Variants in STAU1 observed in about 807,000 individuals in gnomAD.
STAU1 encodes the protein double-stranded RNA-binding protein Staufen homolog 1.
STAU1 carries 13 observed loss-of-function variants against 62.9 expected under a neutral mutation model. That is an observed-to-expected ratio of 0.21 (90% CI 0.13 to 0.33). The LOEUF (loss-of-function observed/expected upper bound fraction) is 0.33, where lower values mean the gene tolerates loss of function less well. Ranked by LOEUF, STAU1 falls within the 10% of genes least tolerant of loss-of-function variation. The pLI is 1.00. For synonymous variants in STAU1, 269 were observed against 265.1 expected (o/e 1.01, Z -0.14); for missense variants, 571 against 712.1 (o/e 0.80, Z 2.25).
chr20:49,154,522 G>A (rs1465764406), intron 3 of STAU1, among the ~76,000 whole-genome samples: 4 of 152,206 alleles, frequency 2.6e-5, no homozygotes, highest in Admixed American at 6.5e-5. Flanking sequence ...ATTGAACGAT[G>A]CATTTATTAC....
intron 6 of STAU1, among the ~76,000 whole-genome samples, chr20:49,125,573 G>A (rs1356652379): frequency 4.7e-5 from 7 of 150,146 alleles, no homozygotes; most frequent in East Asian, 2.0e-4. Context: ...TGGGCCAGGC[G>A]CGGTGGCTCA....
At chr20:49,153,193 T>C (rs6125572) in intron 4 of STAU1, among the ~76,000 whole-genome samples, 14,811 of 140,656 alleles carry the variant, frequency 0.11, 891 homozygotes, top group Middle Eastern at 0.14. Context: ...GAGCTTGCAG[T>C]GAGCCGAGAT....
chr20:49,184,028 C>A (rs1222596480), intron 1 of STAU1, among the ~76,000 whole-genome samples: 2 of 151,406 alleles, frequency 1.3e-5, no homozygotes, highest in Non-Finnish European at 2.9e-5. Context: ...TTCCCAGGTT[C>A]AAGCAACTCT....
At chr20:49,155,594 A>G (rs969936961) in intron 3 of STAU1, among the ~76,000 whole-genome samples, 1 of 152,230 alleles carries the variant, frequency 6.6e-6, no homozygotes, top group African/African-American at 2.4e-5. Flanking sequence ...AGAGAAATAA[A>G]AAAGACCTGA....
upstream of STAU1, among the ~76,000 whole-genome samples, chr20:49,191,772 C>T (rs1044719701): frequency 3.9e-5 from 6 of 152,100 alleles, no homozygotes; most frequent in East Asian, 3.8e-4. Flanking sequence ...ATAATGGGGC[C>T]GGGCGCAGTG....
the STAU1 span, among the ~76,000 whole-genome samples, chr20:49,208,721 G>T: frequency 1.3e-5 from 2 of 151,088 alleles, no homozygotes; most frequent in East Asian, 3.9e-4. Flanking sequence ...CTGGGTTCAC[G>T]CCATTCTCCT....
chr20:49,203,871 G>C, the STAU1 span, among the ~76,000 whole-genome samples: 4 of 152,106 alleles, frequency 2.6e-5, no homozygotes, highest in African/African-American at 9.7e-5. Flanking sequence ...ATTTTTAGTA[G>C]AGACGGGGTT....
intron 6 of STAU1, among the ~76,000 whole-genome samples, chr20:49,129,281 T>A (rs1340837419): frequency 2.4e-4 from 9 of 37,044 alleles, no homozygotes; most frequent in Non-Finnish European, 4.6e-4. Flanking sequence ...TAAAAAAAAA[T>A]TTTTTTTTTT....
chr20:49,199,725 A>G, the STAU1 span, among the ~76,000 whole-genome samples: 2 of 151,666 alleles, frequency 1.3e-5, no homozygotes, highest in Non-Finnish European at 2.9e-5. Context: ...GGCGCCTGCC[A>G]CCACGCCCAG....
intron 2 of STAU1, among the ~76,000 whole-genome samples, chr20:49,169,740 C>A (rs2093573370): frequency 6.6e-6 from 1 of 152,142 alleles, no homozygotes; most frequent in South Asian, 2.1e-4. Flanking sequence ...TTTCTGCCTC[C>A]CACACAGATG....
At chr20:49,189,908 G>GC (rs1432674079), upstream of STAU1, among the ~76,000 whole-genome samples, 1 of 152,198 alleles carries the variant, frequency 6.6e-6, no homozygotes, top group African/African-American at 2.4e-5. Context: ...AGGCTTTGGA[G>GC]CCTTAGCGAA....
chr20:49,124,324 C>T (rs778273178), intron 7 of STAU1, 51 bp downstream of exon 7: 1 of 1,580,388 alleles, frequency 6.3e-7, no homozygotes, highest in Non-Finnish European at 8.7e-7. Flanking sequence ...CTAAACCCCC[C>T]ACCCATCTAT....
At position 49,114,604 on chromosome 20, in the gene STAU1, AGC is replaced by A; in HGVS notation, c.*272_*273del. On this transcript the variant is annotated 3_prime_UTR_variant, in exon 14 of 14. Transcript: ENST00000371856. ...GATCTGCTGGTGTCCCGGGAGAACC[AGC>A]TGGCTGGGCAGCCCTTCTTCCCCAC... is the stretch of plus-strand genomic sequence containing the variant. The A allele has an allele frequency of 4.4e-6, 2 of 454,234 alleles. No homozygotes were observed. Among genetic ancestry groups the A allele is most frequent in the South Asian group, 4.4e-5 (1 of 22,816 alleles). The allele number at this position is 454,234 out of a possible 1,614,324, so 28.1% of individuals were successfully genotyped here.
At chr20:49,181,025 T>C (rs2093718299) in intron 1 of STAU1, among the ~76,000 whole-genome samples, 2 of 152,290 alleles carry the variant, frequency 1.3e-5, no homozygotes, top group African/African-American at 2.4e-5. Flanking sequence ...CTAGAACTAA[T>C]ACTTGGTGCC....
At chr20:49,190,941 TG>T (rs2093830408), upstream of STAU1, among the ~76,000 whole-genome samples, 1 of 150,034 alleles carries the variant, frequency 6.7e-6, no homozygotes, top group Non-Finnish European at 1.5e-5. Context: ...AATCTCACTC[TG>T]TTGCCCAAGC....
At chr20:49,211,573 T>A in the STAU1 span, among the ~76,000 whole-genome samples, 1 of 152,026 alleles carries the variant, frequency 6.6e-6, no homozygotes, top group Admixed American at 6.6e-5. Context: ...AATGGTGCGA[T>A]CTAGGCTCAC....
intron 4 of STAU1, among the ~76,000 whole-genome samples, chr20:49,153,653 G>T (rs2093299868): frequency 1.5e-5 from 2 of 133,492 alleles, no homozygotes; most frequent in Admixed American, 1.8e-4. Context: ...AGAGGATACA[G>T]TGAGCCGAGA....
intron 6 of STAU1, among the ~76,000 whole-genome samples, chr20:49,126,505 C>T (rs1216437980): frequency 7.0e-6 from 1 of 143,158 alleles, no homozygotes; most frequent in Non-Finnish European, 1.5e-5. Context: ...GAGATCAAGG[C>T]TACAGGGAGC....
Position 49,117,096 on chromosome 20 carries a change from C to A in STAU1, c.1632+30G>T. On this transcript the variant is annotated intron_variant, in intron 12 of 13. Coordinates refer to ENST00000371856, the MANE Select transcript of STAU1 (RefSeq NM_017453.4). This position sits in a 1 kb window ranked among gnomAD's most constrained non-coding sequence, Gnocchi z 4.6. ...GCAGGCTCCACATAAACACACAACACCCCAATCCCTCACCCAAGGTGTGAC... is the reference window on the plus strand; with the variant it reads ...GCAGGCTCCACATAAACACACAACAACCCAATCCCTCACCCAAGGTGTGAC... 1 of 1,612,778 alleles carries A rather than the reference C, an allele frequency of 6.2e-7. No homozygotes were observed. The highest frequency in any genetic ancestry group is 1.1e-5 in the South Asian group (1 of 90,866).
Sources: gnomAD v4.1 joint callset for allele counts (sites outside exome capture counted in the v4.1 genomes callset) on GRCh38, gnomAD v4.1.1 for gene constraint, Gnocchi (gnomAD v3.1) non-coding constraint, MANE v1.5 for transcripts, NCBI Gene and HGNC (gene_info 2026-07-23, HGNC 2026-07-21) for gene names.